ZHX2: variants seen among roughly 807,000 people sequenced by gnomAD.
ZHX2 encodes zinc fingers and homeoboxes 2.
In ZHX2, 6 loss-of-function variants were observed where a neutral mutation model predicts 21.9. The observed-to-expected ratio is 0.27, with a 90% CI of 0.15 to 0.54. The LOEUF (loss-of-function observed/expected upper bound fraction) is 0.54, where lower values mean the gene tolerates loss of function less well. Ranked by LOEUF, ZHX2 falls within the 20% of genes least tolerant of loss-of-function variation. The pLI, the probability that ZHX2 is intolerant of heterozygous loss-of-function variation, is 0.95. For missense variants in ZHX2, 908 were observed against 1,090.7 expected (o/e 0.83, Z 2.36); for synonymous variants, 434 against 437.1 (o/e 0.99, Z 0.09).
chr8:122,925,936 G>A (rs554852743), intron 2 of ZHX2, among the ~76,000 whole-genome samples: 2 of 148,500 alleles, frequency 1.3e-5, no homozygotes, highest in Admixed American at 7.5e-5. Context: ...GGGACAGAGT[G>A]GGGGGGCACA....
chr8:122,952,232 A>G lies in ZHX2; in HGVS notation c.722A>G (p.His241Arg). 6.2e-7 allele frequency: 1 copy of G among 1,613,868 alleles called. No homozygotes were observed. The highest frequency in any genetic ancestry group is 8.5e-7 in the Non-Finnish European group (1 of 1,179,986). Residue 241 changes from histidine (H) to arginine (R), a missense_variant, in exon 3 of 4, where the codon CAC becomes CGC. Transcript: ENST00000314393. The surrounding 1 kb of genome is among the most constrained non-coding windows in gnomAD (Gnocchi z 6.9). Reference protein sequence around the residue: ...GVELLQDTLGHVMPSVQLPPN... With the variant: ...GVELLQDTLGRVMPSVQLPPN... ...GAGCTCCTCCAAGACACATTAGGAC[A>G]CGTCATGCCTTCTGTACAGCTGCCA...
At chr8:122,864,591 A>G (rs1819241574) in intron 2 of ZHX2, among the ~76,000 whole-genome samples, 1 of 152,102 alleles carries the variant, frequency 6.6e-6, no homozygotes, top group Admixed American at 6.5e-5. Flanking sequence ...CAGACCACAT[A>G]GACAAGAGGA....
intron 3 of ZHX2, among the ~76,000 whole-genome samples, chr8:122,969,483 A>G (rs1056538309): frequency 1.3e-5 from 2 of 152,154 alleles, no homozygotes; most frequent in Admixed American, 6.5e-5. Context: ...GAGTGTATGC[A>G]TATGCCCAAA....
At chr8:122,954,065 C>G (rs375985195) in intron 3 of ZHX2, 37 bp downstream of exon 3, 2 of 1,514,154 alleles carry the variant, frequency 1.3e-6, no homozygotes, top group Admixed American at 4.4e-5. Flanking sequence ...CAGGGGAGAA[C>G]GCAGCTTGCT....
At chr8:122,955,077 G>A (rs1189444908) in intron 3 of ZHX2, among the ~76,000 whole-genome samples, 39 of 145,976 alleles carry the variant, frequency 2.7e-4, no homozygotes, top group Non-Finnish European at 4.5e-5. Context: ...GCCGGGGGGG[G>A]GGGGGTGGCA....
chr8:122,909,116 G>T (rs745749455), intron 2 of ZHX2, among the ~76,000 whole-genome samples: 4 of 152,180 alleles, frequency 2.6e-5, no homozygotes, highest in Non-Finnish European at 5.9e-5. Context: ...GGGTGTAGTA[G>T]CTAAGAAGAG....
chr8:122,869,366 C>T (rs543171879), intron 2 of ZHX2, among the ~76,000 whole-genome samples: 6 of 148,862 alleles, frequency 4.0e-5, no homozygotes, highest in Non-Finnish European at 8.9e-5. Flanking sequence ...TCGCTTTTGT[C>T]GCCCAGGCTG....
chr8:122,950,819 T>C (rs895514366), intron 2 of ZHX2, among the ~76,000 whole-genome samples: 1 of 152,116 alleles, frequency 6.6e-6, no homozygotes, highest in South Asian at 2.1e-4. Flanking sequence ...TTTTATACTT[T>C]TCTGCATTTT....
intron 2 of ZHX2, among the ~76,000 whole-genome samples, chr8:122,865,392 T>C (rs1185250702): frequency 2.0e-5 from 3 of 152,034 alleles, no homozygotes; most frequent in African/African-American, 4.8e-5. Flanking sequence ...CCTTCCAAAG[T>C]GCTGGGATTA....
intron 1 of ZHX2, chr8:122,809,041 G>A (rs1262319659): frequency 2.6e-5 from 4 of 152,234 alleles, no homozygotes; most frequent in African/African-American, 9.6e-5. Flanking sequence ...AATGCCATCA[G>A]TTCCATCTAA....
At chr8:122,785,005 G>C (rs772891806) in intron 1 of ZHX2, among the ~76,000 whole-genome samples, 9 of 152,214 alleles carry the variant, frequency 5.9e-5, no homozygotes, top group Non-Finnish European at 1.0e-4. Context: ...CACACCCCCT[G>C]CCCTCTAGGA....
rs986021746 is a variant in ZHX2, at chr8:122,782,839, C to A, written c.-283+893C>A. Among the ~76,000 whole-genome samples the A allele has an allele frequency of 6.6e-5, 10 of 152,214 alleles. No homozygotes were observed. Among genetic ancestry groups the A allele is most frequent in the Admixed American group, 3.3e-4 (5 of 15,282 alleles). ...GTTCGCCCCCCTGAACGGCAGCTGG[C>A]GCTTTTCGTCTGCCCCACAAGAGGT... On this transcript the variant is annotated intron_variant, in intron 1 of 3. Transcript: ENST00000314393. This position sits in a 1 kb window ranked among gnomAD's most constrained non-coding sequence, Gnocchi z 5.3.
Position 122,877,981 on chromosome 8 carries a change from C to T in ZHX2, c.-220+14442C>T, listed in dbSNP as rs187564317. Among the ~76,000 whole-genome samples the T allele has an allele frequency of 4.9e-4, 74 of 152,180 alleles. No homozygotes were observed. In the East Asian group the frequency reaches 0.011, roughly 23 times the overall value. On this transcript the variant is annotated intron_variant, in intron 2 of 3. Coordinates refer to ENST00000314393, the MANE Select transcript of ZHX2 (RefSeq NM_014943.5). ...ATAGATTGGAAGAGGAAGAGTGAGA[C>T]ATAAGGGGGAGAGCAAAGCTTGTAG...
chr8:122,953,066 G>A lies in ZHX2; in HGVS notation c.1556G>A (p.Gly519Asp). The A allele has an allele frequency of 1.9e-6, 3 of 1,614,006 alleles. No homozygotes were observed. Among genetic ancestry groups the A allele is most frequent in the African/African-American group, 1.3e-5 (1 of 75,008 alleles). Residue 519 changes from glycine to aspartate, a missense_variant, in exon 3 of 4, where the codon GGT (glycine) becomes GAT (aspartate). Physicochemically the swap from Gly to Asp is moderately conservative, Grantham distance 94. Coordinates refer to ENST00000314393, the MANE Select transcript of ZHX2 (RefSeq NM_014943.5). The surrounding 1 kb of genome is among the most constrained non-coding windows in gnomAD (Gnocchi z 4.6). ...DQLAIAASRH[G>D]RTYHAYPDFA... The stretch of plus-strand genomic sequence containing the variant: ...TTGGCCATCGCGGCCTCCCGACACG[G>A]TCGCACGTATCATGCGTACCCAGAC...
chr8:122,894,212 G>T (rs561684045), intron 2 of ZHX2, among the ~76,000 whole-genome samples: 57 of 152,236 alleles, frequency 3.7e-4, no homozygotes, highest in Non-Finnish European at 7.1e-4. Context: ...TGCACTAGGT[G>T]CTAGGCAATG....
chr8:122,959,670 G>A (rs748296268), intron 3 of ZHX2, among the ~76,000 whole-genome samples: 8 of 152,174 alleles, frequency 5.3e-5, no homozygotes, highest in East Asian at 1.9e-4. Context: ...TGACAGCAGC[G>A]AGAGGAGAGG....
chr8:122,927,297 C>A (rs1467259921), intron 2 of ZHX2, among the ~76,000 whole-genome samples: 1 of 152,170 alleles, frequency 6.6e-6, no homozygotes, highest in Non-Finnish European at 1.5e-5. Flanking sequence ...GCATTCGAGA[C>A]CAGCCTGGCC....
chr8:122,850,376 GCCTGTAATC>G (rs1818860478), intron 1 of ZHX2, among the ~76,000 whole-genome samples: 1 of 152,098 alleles, frequency 6.6e-6, no homozygotes, highest in African/African-American at 2.4e-5. Context: ...AGTGGCTCAT[GCCTGTAATC>G]CCAGCACTTT....
At chr8:122,911,182 C>A (rs1481048701) in intron 2 of ZHX2, among the ~76,000 whole-genome samples, 2 of 151,744 alleles carry the variant, frequency 1.3e-5, no homozygotes, top group East Asian at 3.9e-4. Context: ...CAGGGCAGCC[C>A]CGTAGTCCTG....
Sources: allele counts gnomAD v4.1 joint callset (sites outside exome capture counted in the v4.1 genomes callset), GRCh38; gene constraint gnomAD v4.1.1; non-coding constraint Gnocchi (gnomAD v3.1); transcripts MANE v1.5; gene names NCBI Gene and HGNC (gene_info 2026-07-23, HGNC 2026-07-21).